The following ZDHHC14 variants were observed in gnomAD, a reference collection of about 807,000 sequenced individuals.
The protein encoded by ZDHHC14 is palmitoyltransferase ZDHHC14.
ZDHHC14 carries 16 observed loss-of-function variants against 47.7 expected under a neutral mutation model. The ratio of observed to expected loss-of-function variants is 0.34; its 90% confidence interval spans 0.23 to 0.51. The LOEUF (loss-of-function observed/expected upper bound fraction) is 0.51, where lower values mean the gene tolerates loss of function less well. Ranked by LOEUF, ZDHHC14 falls within the 20% of genes least tolerant of loss-of-function variation. The pLI, the probability that ZDHHC14 is intolerant of heterozygous loss-of-function variation, is 0.97. For synonymous variants in ZDHHC14, 293 were observed against 278.9 expected, an observed-to-expected ratio of 1.05 and a Z score of -0.50; for missense variants, 515 against 662.5, an observed-to-expected ratio of 0.78 and a Z score of 2.44.
chr6:157,443,260 C>T (rs1207649397), intron 1 of ZDHHC14, among the ~76,000 whole-genome samples: 1 of 152,160 alleles, frequency 6.6e-6, no homozygotes, highest in Non-Finnish European at 1.5e-5. Context: ...TTGTAAGTTT[C>T]CTGAGGCCTC....
At position 157,673,189 on chromosome 6, in the gene ZDHHC14, T is replaced by G. The variant is rs1583110467; in HGVS notation, c.*67T>G. Reference sequence around the variant, plus strand: ...TGGGCAGCAGGAGTGAGCGGAGGGGTGTGTCCCACAGCGACTTTCCCAGCC... The same window carrying G: ...TGGGCAGCAGGAGTGAGCGGAGGGGGGTGTCCCACAGCGACTTTCCCAGCC... On this transcript the variant is annotated 3_prime_UTR_variant, in exon 9 of 9. Transcript: ENST00000359775. The surrounding 1 kb of genome is among the most constrained non-coding windows in gnomAD (Gnocchi z 5.4). The G allele has an allele frequency of 1.4e-6, 2 of 1,475,178 alleles. No individual in the cohort carries two copies. Among genetic ancestry groups the G allele is most frequent in the Non-Finnish European group, 8.9e-7 (1 of 1,121,976 alleles). The allele number at this position is 1,475,178 out of a possible 1,614,324, so 91.4% of individuals were successfully genotyped here.
chr6:157,626,495 C>T (rs1785424631), intron 3 of ZDHHC14, among the ~76,000 whole-genome samples: 2 of 152,078 alleles, frequency 1.3e-5, no homozygotes, highest in South Asian at 4.2e-4. Flanking sequence ...TGTTCGTTGT[C>T]AATATTTAAA....
chr6:157,416,227 A>C (rs2114763655), intron 1 of ZDHHC14, among the ~76,000 whole-genome samples: 1 of 152,300 alleles, frequency 6.6e-6, no homozygotes, highest in East Asian at 1.9e-4. Context: ...AATTCATATC[A>C]CTATCAGTAG....
At chr6:157,458,688 G>C (rs540734628) in intron 1 of ZDHHC14, among the ~76,000 whole-genome samples, 16 of 152,160 alleles carry the variant, frequency 1.1e-4, no homozygotes, top group African/African-American at 3.4e-4. Flanking sequence ...GGCGCATCTT[G>C]TGTAGATGTG....
intron 1 of ZDHHC14, among the ~76,000 whole-genome samples, chr6:157,530,708 T>G (rs959904549): frequency 1.2e-4 from 19 of 152,186 alleles, no homozygotes; most frequent in African/African-American, 4.3e-4. Context: ...CCATTTTGCA[T>G]AATTATTATG....
At chr6:157,644,092 T>C (rs1777395731) in intron 5 of ZDHHC14, among the ~76,000 whole-genome samples, 1 of 152,140 alleles carries the variant, frequency 6.6e-6, no homozygotes, top group Non-Finnish European at 1.5e-5. Flanking sequence ...TAATGTCATC[T>C]CCCTCTCACA....
intron 1 of ZDHHC14, among the ~76,000 whole-genome samples, chr6:157,432,456 T>A (rs1778358199): frequency 6.6e-6 from 1 of 151,998 alleles, no homozygotes; most frequent in South Asian, 2.1e-4. Context: ...CGGGGCTGCT[T>A]TGGAGAGGTA....
chr6:157,577,331 G>T (rs2114867405), intron 2 of ZDHHC14, among the ~76,000 whole-genome samples: 1 of 152,300 alleles, frequency 6.6e-6, no homozygotes, highest in South Asian at 2.1e-4. Context: ...ACATACATGT[G>T]CATGTGTCCT....
chr6:157,564,857 C>T (rs1410830079), intron 2 of ZDHHC14, among the ~76,000 whole-genome samples: 1 of 152,198 alleles, frequency 6.6e-6, no homozygotes, highest in Non-Finnish European at 1.5e-5. Flanking sequence ...GCTCTGGGTC[C>T]TCCAAGGTCA....
rs779046274 is a variant in ZDHHC14 at position 157,673,048 on chromosome 6, G to A, written c.1393G>A (p.Val465Met). ...CCTGGCGCACAGCCGCACCATGCAC[G>A]TGCTGGGCCTGGCCAGCCAGGACTC... ...SPLAHSRTMH[V>M]LGLASQDSLH... Residue 465 changes from valine (V) to methionine (M), a missense_variant, in exon 9 of 9, where the codon GTG (valine) becomes ATG (methionine). Val to Met is a conservative substitution (Grantham distance 21). Transcript: ENST00000359775. The surrounding 1 kb of genome is among the most constrained non-coding windows in gnomAD (Gnocchi z 5.4). 11 of 1,567,194 alleles carry A rather than the reference G, an allele frequency of 7.0e-6. No individual in the cohort carries two copies. The highest frequency in any genetic ancestry group is 2.3e-5 in the East Asian group (1 of 42,808).
At chr6:157,525,762 C>CT (rs1781131856) in intron 1 of ZDHHC14, among the ~76,000 whole-genome samples, 1 of 152,180 alleles carries the variant, frequency 6.6e-6, no homozygotes. Context: ...ATCAGAAGGC[C>CT]TGGGAACATT....
chr6:157,383,540 G>C (rs138151747), intron 1 of ZDHHC14, among the ~76,000 whole-genome samples: 1 of 152,214 alleles, frequency 6.6e-6, no homozygotes, highest in Non-Finnish European at 1.5e-5. Flanking sequence ...AATACTTGTC[G>C]CTCAAAGCCC....
At chr6:157,620,343 C>T (rs1785139269) in intron 3 of ZDHHC14, among the ~76,000 whole-genome samples, 1 of 152,182 alleles carries the variant, frequency 6.6e-6, no homozygotes, top group Non-Finnish European at 1.5e-5. Context: ...ATGGCCTCAG[C>T]TGCCCCTAAT....
intron 8 of ZDHHC14, among the ~76,000 whole-genome samples, chr6:157,668,375 T>C (rs1454391723): frequency 6.6e-6 from 1 of 152,040 alleles, no homozygotes; most frequent in East Asian, 1.9e-4. Flanking sequence ...GACTTCTATA[T>C]AGATTTTTTA....
At chr6:157,401,592 T>C (rs895083290) in intron 1 of ZDHHC14, among the ~76,000 whole-genome samples, 1 of 150,220 alleles carries the variant, frequency 6.7e-6, no homozygotes, top group African/African-American at 2.5e-5. Context: ...GCGCACCTGC[T>C]GAGGTCTCAC....
At chr6:157,602,244 C>T (rs1223719335) in intron 3 of ZDHHC14, among the ~76,000 whole-genome samples, 2 of 149,086 alleles carry the variant, frequency 1.3e-5, no homozygotes, top group Non-Finnish European at 3.0e-5. Flanking sequence ...TGGTGGCTTA[C>T]GCCTGTAATC....
At position 157,593,060 on chromosome 6, in the gene ZDHHC14, A is replaced by G; in HGVS notation, c.479A>G (p.Gln160Arg). The G allele has an allele frequency of 6.2e-7, 1 of 1,614,222 alleles. No homozygotes were observed. The highest frequency in any genetic ancestry group is 8.5e-7 in the Non-Finnish European group (1 of 1,180,036). ...ACCAAAGAAGTCATCATCAATGGCC[A>G]GACCGTGAAACTTAAATACTGTTTC... ...PRTKEVIING[Q>R]TVKLKYCFTC... Residue 160 changes from glutamine to arginine, a missense_variant, in exon 3 of 9, where the codon CAG (glutamine) becomes CGG (arginine). This residue lies in a region of ZDHHC14 where 229 missense variants were observed against 351.5 expected (regional missense o/e 0.65). Transcript: ENST00000359775.
At chr6:157,452,703 T>TTC (rs1778830546) in intron 1 of ZDHHC14, among the ~76,000 whole-genome samples, 1 of 132,230 alleles carries the variant, frequency 7.6e-6, no homozygotes, top group African/African-American at 2.9e-5. Flanking sequence ...TTTTTTTTTT[T>TTC]TTTTTTTTTT....
chr6:157,491,527 G>A (rs1779915473), intron 1 of ZDHHC14, among the ~76,000 whole-genome samples: 1 of 152,194 alleles, frequency 6.6e-6, no homozygotes, highest in Admixed American at 6.5e-5. Flanking sequence ...AAAACTGTAG[G>A]ACTTGATGAA....
Sources: allele counts gnomAD v4.1 joint callset (sites outside exome capture counted in the v4.1 genomes callset), GRCh38; gene constraint gnomAD v4.1.1; regional missense constraint gnomAD v4.1.1; non-coding constraint Gnocchi (gnomAD v3.1); transcripts MANE v1.5; gene names NCBI Gene and HGNC (gene_info 2026-07-23, HGNC 2026-07-21).